The following GON4L variants were observed in gnomAD, a reference collection of about 807,000 sequenced individuals.
GON4L encodes GON-4-like protein.
In GON4L, 87 loss-of-function variants were observed where a neutral mutation model predicts 211.8. The ratio of observed to expected loss-of-function variants is 0.41; its 90% CI spans 0.35 to 0.49. The LOEUF (loss-of-function observed/expected upper bound fraction) is 0.49, where lower values mean the gene tolerates loss of function less well. Ranked by LOEUF, GON4L falls within the 20% of genes least tolerant of loss-of-function variation. The pLI is 0.15. For missense variants in GON4L, 2,155 were observed against 2,659.5 expected (o/e 0.81, Z 4.17); for synonymous variants, 875 against 962.6 (o/e 0.91, Z 1.68).
intron 11 of GON4L, 55 bp downstream of exon 11, chr1:155,804,894 A>G: frequency 7.5e-7 from 1 of 1,334,362 alleles, no homozygotes; most frequent in South Asian, 1.2e-5. Flanking sequence ...AAATACTAAA[A>G]ATTTTACAAC....
intron 8 of GON4L, 147 bp from the exon 9 acceptor site, chr1:155,814,596 A>C: frequency 4.8e-6 from 4 of 838,078 alleles, no homozygotes; most frequent in African/African-American, 1.7e-5. Flanking sequence ...AAATACAAAA[A>C]TAAGCCAGGC....
intron 11 of GON4L, among the ~76,000 whole-genome samples, chr1:155,797,677 C>A (rs1025142285): frequency 4.8e-5 from 7 of 144,926 alleles, no homozygotes; most frequent in Admixed American, 1.4e-4. Context: ...GACCCCCCCC[C>A]TCCCGTCTCT....
chr1:155,798,198 CTAACTTGA>C (rs1666268608), intron 11 of GON4L, among the ~76,000 whole-genome samples: 2 of 150,236 alleles, frequency 1.3e-5, no homozygotes, highest in South Asian at 4.2e-4. Context: ...AAACCCTAAT[CTAACTTGA>C]TAATTCTTTA....
At position 155,754,491 on chromosome 1, in the gene GON4L, A is replaced by G. The variant is rs1660944464; in HGVS notation, c.5518-3T>C. The G allele has an allele frequency of 7.6e-7, 1 of 1,311,832 alleles. No homozygotes were observed. The highest frequency in any genetic ancestry group is 1.1e-6 in the Non-Finnish European group (1 of 915,864). 81.3% of individuals were successfully genotyped at this position (1,311,832 alleles called of 1,614,324 possible). A position where few individuals can be genotyped will look rare whatever the true frequency, so the allele number is the denominator to read the frequency against. ...GCCCCATCTGGCCATTCAGTCTCCT[A>G]GGAGATACTTGGGCTTGATTAGCTG... is the stretch of plus-strand genomic sequence containing the variant. On this transcript the variant is annotated splice_polypyrimidine_tract_variant and splice_region_variant and intron_variant, in intron 27 of 31. Transcript: ENST00000368331.
rs184883773 is a variant in GON4L, at chr1:155,759,337, C to T, written c.5109+1107G>A. ...CTGTAATCCCAGCAATTTGGGAGGT[C>T]GAGGTGGGCAGATCACCTGAGGTCT... On this transcript the variant is annotated intron_variant, in intron 24 of 31. Transcript: ENST00000368331. Among the ~76,000 whole-genome samples the T allele has an allele frequency of 5.8e-3, 878 of 152,144 alleles. 37 individuals are homozygous for T. Among genetic ancestry groups the T allele is most frequent in the Admixed American group, 0.055 (841 of 15,278 alleles).
rs568143124 is a variant in GON4L at position 155,809,938 on chromosome 1, A to G, written c.1452+3696T>C. 1.2e-4 allele frequency among the ~76,000 whole-genome samples: 16 copies of G among 135,880 alleles called. 1 individual carries two copies. Among genetic ancestry groups the G allele is most frequent in the African/African-American group, 3.9e-4 (14 of 35,650 alleles). 89.1% of individuals were successfully genotyped at this position (135,880 alleles called of 152,430 possible). On this transcript the variant is annotated intron_variant, in intron 10 of 31. Coordinates refer to ENST00000368331, the MANE Select transcript of GON4L (RefSeq NM_001282860.2). ...ACATATATAATTATAAATTATATAC[A>G]TATATAATTATAAATTATATACATA...
rs562539569 is a variant in GON4L, at chr1:155,764,942, A to G, written c.4473+58T>C. On this transcript the variant is annotated intron_variant, in intron 21 of 31. Coordinates refer to ENST00000368331, the MANE Select transcript of GON4L (RefSeq NM_001282860.2). ...CAGCAAGCAAGCAGGTGGCATATCA[A>G]TAAGTGATACATATTACTGAGTCCA... 10 of 1,613,960 alleles carry G rather than the reference A, an allele frequency of 6.2e-6. No homozygotes were observed. The African/African-American group carries it at 9.3e-5, about 15-fold the overall frequency.
chr1:155,791,467 A>C (rs1349748393), intron 12 of GON4L, among the ~76,000 whole-genome samples: 1 of 151,826 alleles, frequency 6.6e-6, no homozygotes, highest in East Asian at 1.9e-4. Context: ...AAGAAACTTG[A>C]AACTTTCCTA....
At chr1:155,791,294 T>C (rs1665525952) in intron 12 of GON4L, among the ~76,000 whole-genome samples, 2 of 152,038 alleles carry the variant, frequency 1.3e-5, no homozygotes, top group Admixed American at 1.3e-4. Context: ...ATATGAATGT[T>C]AGCTGTATAA....
intron 18 of GON4L, 84 bp from the exon 19 acceptor site, chr1:155,771,301 A>C: frequency 6.3e-7 from 1 of 1,579,010 alleles, no homozygotes; most frequent in Non-Finnish European, 8.7e-7. Flanking sequence ...TTTACAATCT[A>C]CTCTTTCATT....
rs745813029 is a variant in GON4L, at chr1:155,804,959, C to T, written c.1635G>A (p.Val545=). Residue 545 remains valine, a synonymous_variant, in exon 11 of 32, where the codon GTG becomes GTA. Coordinates refer to ENST00000368331, the MANE Select transcript of GON4L (RefSeq NM_001282860.2). ...MWLGGLMNDD[V]GNEDEADDDD... ...CAAACCAAAACTTACCTTCATTCCC[C>T]ACATCATCATTCATAAGTCCCCCCA... is the stretch of plus-strand genomic sequence containing the variant. 3.3e-5 allele frequency: 54 copies of T among 1,612,902 alleles called. No homozygotes were observed. Among genetic ancestry groups the T allele is most frequent in the Non-Finnish European group, 4.0e-5 (47 of 1,179,112 alleles).
intron 3 of GON4L, among the ~76,000 whole-genome samples, chr1:155,822,958 G>C (rs1248126171): frequency 1.3e-5 from 2 of 152,114 alleles, no homozygotes; most frequent in Non-Finnish European, 2.9e-5. Flanking sequence ...ACCATGCCCG[G>C]CTAATTTTGT....
intron 3 of GON4L, among the ~76,000 whole-genome samples, chr1:155,823,928 A>C (rs1349753326): frequency 6.6e-6 from 1 of 152,128 alleles, no homozygotes; most frequent in Non-Finnish European, 1.5e-5. Flanking sequence ...TCAAATAAAG[A>C]AGTCTTTAGT....
chr1:155,820,478 C>T, intron 6 of GON4L, 128 bp downstream of exon 6: 2 of 698,720 alleles, frequency 2.9e-6, no homozygotes, highest in Non-Finnish European at 5.2e-6. Flanking sequence ...ATTCTACTGT[C>T]TTTTATAAAT....
At chr1:155,790,169 G>A (rs767606798) in intron 12 of GON4L, among the ~76,000 whole-genome samples, 18 of 151,744 alleles carry the variant, frequency 1.2e-4, no homozygotes, top group East Asian at 1.9e-4. Flanking sequence ...GCGCGATCTC[G>A]GCTCACTGCA....
At chr1:155,747,395 ACAAC>A (rs1660278525), downstream of GON4L, 1 of 1,349,676 alleles carries the variant, frequency 7.4e-7, no homozygotes, top group African/African-American at 1.5e-5. Context: ...ATTCAGAAGT[ACAAC>A]CACGATGGGT....
At position 155,765,140 on chromosome 1, in the gene GON4L, G is replaced by T; in HGVS notation, c.4333C>A (p.Pro1445Thr). The change falls in exon 21 of 32, where the codon CCA becomes ACA. Residue 1445 changes from proline to threonine, a missense_variant. Physicochemically the swap from Pro to Thr is conservative, Grantham distance 38. Around this residue, in one of 6 missense-constraint regions of GON4L, gnomAD observed 615 missense variants for 625.7 expected, o/e 0.98. Transcript: ENST00000368331. ...TCTCCTCCAGTTTCTGGCCCAACTGGAGTCCCCACTGACTGACCATCAACA... is the reference window on the plus strand; with the variant it reads ...TCTCCTCCAGTTTCTGGCCCAACTGTAGTCCCCACTGACTGACCATCAACA... Reference protein sequence around the residue: ...SSVDGQSVGTPVGPETGGEKN... With the variant: ...SSVDGQSVGTTVGPETGGEKN... The T allele has an allele frequency of 1.2e-6, 2 of 1,614,094 alleles. No homozygotes were observed. Among genetic ancestry groups the T allele is most frequent in the African/African-American group, 1.3e-5 (1 of 75,018 alleles).
chr1:155,764,767 A>G, intron 21 of GON4L: 1 of 1,209,660 alleles, frequency 8.3e-7, no homozygotes, highest in Non-Finnish European at 1.2e-6. Flanking sequence ...CATTTAAAGT[A>G]TGGTCAGGTG....
chr1:155,758,987 G>T (rs1367114026), intron 24 of GON4L, among the ~76,000 whole-genome samples: 3 of 152,064 alleles, frequency 2.0e-5, no homozygotes, highest in Non-Finnish European at 2.9e-5. Flanking sequence ...ACTGTGTCTG[G>T]CCATTGTCTC....
Sources: allele counts gnomAD v4.1 joint callset (sites outside exome capture counted in the v4.1 genomes callset), GRCh38; gene constraint gnomAD v4.1.1; regional missense constraint gnomAD v4.1.1; transcripts MANE v1.5; gene names NCBI Gene and HGNC (gene_info 2026-07-23, HGNC 2026-07-21).